The following ALK variants were observed in gnomAD, a reference collection of about 807,000 sequenced individuals.
ALK encodes the protein ALK tyrosine kinase receptor.
Under a neutral mutation model 163.1 loss-of-function variants are expected in ALK, and 74 were observed. The ratio of observed to expected loss-of-function variants is 0.45; its 90% confidence interval spans 0.38 to 0.55. The LOEUF (loss-of-function observed/expected upper bound fraction) is 0.55. Ranked by LOEUF, ALK falls within the 20% of genes least tolerant of loss-of-function variation. The pLI is 0.00. For synonymous variants in ALK, 960 were observed against 843.2 expected (o/e 1.14, Z -2.40); for missense variants, 2,063 against 2,105.3 (o/e 0.98, Z 0.39).
intron 1 of ALK, among the ~76,000 whole-genome samples, chr2:29,894,908 G>A (rs1045892992): frequency 7.9e-5 from 12 of 151,602 alleles, no homozygotes; most frequent in African/African-American, 2.9e-4. Flanking sequence ...TGCACTTGGT[G>A]GTCAATATCT....
chr2:29,878,335 A>T (rs1666774131), intron 1 of ALK, among the ~76,000 whole-genome samples: 2 of 152,100 alleles, frequency 1.3e-5, no homozygotes, highest in African/African-American at 4.8e-5. Flanking sequence ...AATAACGAAA[A>T]CTATTATAAG....
At chr2:29,720,261 A>C (rs1488251400) in intron 1 of ALK, among the ~76,000 whole-genome samples, 1 of 152,096 alleles carries the variant, frequency 6.6e-6, no homozygotes, top group Admixed American at 6.5e-5. Flanking sequence ...CTGGGTCATG[A>C]CCCAGCAAGG....
chr2:29,584,080 AG>A (rs980428258), intron 3 of ALK, among the ~76,000 whole-genome samples: 6 of 152,086 alleles, frequency 3.9e-5, no homozygotes, highest in African/African-American at 1.2e-4. Context: ...AGGGTAAGTC[AG>A]GGGGTGTTCA....
intron 3 of ALK, among the ~76,000 whole-genome samples, chr2:29,550,840 T>C (rs935030520): frequency 6.6e-6 from 1 of 152,210 alleles, no homozygotes; most frequent in African/African-American, 2.4e-5. Context: ...TTTCACCACC[T>C]GCATAGGATT....
chr2:29,748,666 T>C (rs1680272095), intron 1 of ALK, among the ~76,000 whole-genome samples: 1 of 152,162 alleles, frequency 6.6e-6, no homozygotes, highest in Admixed American at 6.5e-5. Flanking sequence ...AATGGGACCA[T>C]AGTGTATACA....
chr2:29,823,997 G>A (rs1057147411), intron 1 of ALK, among the ~76,000 whole-genome samples: 10 of 152,142 alleles, frequency 6.6e-5, no homozygotes, highest in African/African-American at 2.4e-4. Context: ...ACATTGTTTG[G>A]TGGGCTGGGC....
At chr2:29,486,339 C>T (rs999592742) in intron 4 of ALK, among the ~76,000 whole-genome samples, 1 of 152,096 alleles carries the variant, frequency 6.6e-6, no homozygotes, top group South Asian at 2.1e-4. Flanking sequence ...GACTATGGTT[C>T]TCTATCATTC....
At chr2:29,635,023 C>T (rs1676481276) in intron 3 of ALK, among the ~76,000 whole-genome samples, 1 of 152,076 alleles carries the variant, frequency 6.6e-6, no homozygotes, top group South Asian at 2.1e-4. Flanking sequence ...ATTAGGAATA[C>T]AATAACATTT....
At chr2:29,305,076 G>A (rs751196215) in intron 8 of ALK, among the ~76,000 whole-genome samples, 1 of 152,162 alleles carries the variant, frequency 6.6e-6, no homozygotes, top group Non-Finnish European at 1.5e-5. Context: ...TGGGGAGCTG[G>A]GTTACTTAGT....
intron 3 of ALK, among the ~76,000 whole-genome samples, chr2:29,691,127 T>C (rs1008663703): frequency 1.3e-5 from 2 of 152,150 alleles, no homozygotes; most frequent in African/African-American, 4.8e-5. Flanking sequence ...CAACGCTACT[T>C]CAGGGAAAGG....
At chr2:29,764,502 C>A (rs1460821793) in intron 1 of ALK, among the ~76,000 whole-genome samples, 1 of 152,154 alleles carries the variant, frequency 6.6e-6, no homozygotes, top group Non-Finnish European at 1.5e-5. Context: ...ACTGAGGAAG[C>A]CTCACCTTTT....
At chr2:29,618,639 G>A (rs915566616) in intron 3 of ALK, among the ~76,000 whole-genome samples, 5 of 152,030 alleles carry the variant, frequency 3.3e-5, no homozygotes, top group East Asian at 3.9e-4. Flanking sequence ...AGCTGCCCAC[G>A]CTACAGACTA....
chr2:29,410,171 C>A lies in ALK; in HGVS notation c.1155-26312G>T, dbSNP rs533860078. On this transcript the variant is annotated intron_variant, in intron 4 of 28. Coordinates refer to ENST00000389048, the MANE Select transcript of ALK (RefSeq NM_004304.5). ...AAACCTAGACGGTGTGAAAGGAGGA[C>A]CCCCAAATCACTAAGGAAAGCTCAA... 5.3e-5 allele frequency among the ~76,000 whole-genome samples: 8 copies of A among 152,168 alleles called. No homozygotes were observed. In the South Asian group the frequency reaches 1.7e-3, roughly 32 times the overall value.
chr2:29,534,810 G>A (rs544384013), intron 3 of ALK, among the ~76,000 whole-genome samples: 3 of 152,068 alleles, frequency 2.0e-5, no homozygotes, highest in Non-Finnish European at 4.4e-5. Context: ...TTCTGTCCCC[G>A]AAATTTGGCA....
At chr2:29,247,829 T>C (rs1664723778) in intron 12 of ALK, among the ~76,000 whole-genome samples, 1 of 152,090 alleles carries the variant, frequency 6.6e-6, no homozygotes, top group Non-Finnish European at 1.5e-5. Context: ...ATGGGTGGGT[T>C]CGTTAGGGCT....
chr2:29,725,357 C>T (rs1679541896), intron 1 of ALK, among the ~76,000 whole-genome samples: 1 of 152,090 alleles, frequency 6.6e-6, no homozygotes, highest in South Asian at 2.1e-4. Flanking sequence ...ACATCCTTCT[C>T]CACCCCCTGC....
chr2:29,218,775 G>A (rs892503297), intron 23 of ALK, among the ~76,000 whole-genome samples: 1 of 152,246 alleles, frequency 6.6e-6, no homozygotes, highest in African/African-American at 2.4e-5. Flanking sequence ...AAAGTGTGAT[G>A]CCACGTGTCC....
At chr2:29,534,878 G>T (rs941629793) in intron 3 of ALK, among the ~76,000 whole-genome samples, 1 of 152,136 alleles carries the variant, frequency 6.6e-6, no homozygotes, top group Non-Finnish European at 1.5e-5. Flanking sequence ...TCTAATATGT[G>T]AGATGATGTT....
chr2:29,461,443 T>C (rs1026943801), intron 4 of ALK, among the ~76,000 whole-genome samples: 1 of 152,322 alleles, frequency 6.6e-6, no homozygotes, highest in African/African-American at 2.4e-5. Context: ...TCTGACTCTT[T>C]TGTTAAGGGC....
Sources: allele counts gnomAD v4.1 joint callset (sites outside exome capture counted in the v4.1 genomes callset), GRCh38; gene constraint gnomAD v4.1.1; transcripts MANE v1.5; gene names NCBI Gene and HGNC (gene_info 2026-07-23, HGNC 2026-07-21).